The following CPA5 variants were observed in gnomAD, a reference collection of about 807,000 sequenced individuals.
CPA5 encodes the protein testicular tissue protein Li 32.
In CPA5, 38 loss-of-function variants were observed where a neutral mutation model predicts 52.2. The ratio of observed to expected loss-of-function variants is 0.73; its 90% CI spans 0.56 to 0.95. CPA5 has a LOEUF of 0.95. Ranked by LOEUF, CPA5 falls within the 40% of genes least tolerant of loss-of-function variation. CPA5 has a pLI of 0.00. For synonymous variants in CPA5, 198 were observed against 213.7 expected (o/e 0.93, Z 0.64); for missense variants, 519 against 566.7 (o/e 0.92, Z 0.86).
intron 7 of CPA5, 118 bp downstream of exon 7, chr7:130,361,362 C>G (rs1554406639): frequency 1.4e-6 from 1 of 701,992 alleles, no homozygotes; most frequent in East Asian, 2.7e-5. Flanking sequence ...TTTGTCTACT[C>G]CTGTCCCCAG....
downstream of CPA5, among the ~76,000 whole-genome samples, chr7:130,369,370 T>C (rs993910959): frequency 1.3e-5 from 2 of 152,202 alleles, no homozygotes; most frequent in African/African-American, 2.4e-5. Flanking sequence ...CGTGAGATAC[T>C]AAGAAGACTC....
chr7:130,368,733 C>T (rs1044150134), downstream of CPA5: 127 of 865,486 alleles, frequency 1.5e-4, 1 homozygote, highest in African/African-American at 9.3e-4. Context: ...GAACAGGCTT[C>T]GCTGCCTCTC....
intron 7 of CPA5, among the ~76,000 whole-genome samples, chr7:130,361,752 A>G (rs1740162413): frequency 1.3e-5 from 2 of 152,194 alleles, no homozygotes; most frequent in Admixed American, 1.3e-4. Flanking sequence ...TCATGAAGGA[A>G]GTAGGAGATG....
downstream of CPA5, among the ~76,000 whole-genome samples, chr7:130,373,261 G>A (rs1286198986): frequency 2.0e-5 from 3 of 149,762 alleles, no homozygotes; most frequent in Non-Finnish European, 3.0e-5. Flanking sequence ...CAGCAGCTCC[G>A]TTTTTCAACA....
At chr7:130,350,609 A>G (rs1377228967) in intron 5 of CPA5, among the ~76,000 whole-genome samples, 1 of 151,834 alleles carries the variant, frequency 6.6e-6, no homozygotes, top group East Asian at 1.9e-4. Flanking sequence ...ACTTCCCCCA[A>G]CCTCCACCGC....
chr7:130,369,263 A>G (rs530079413), downstream of CPA5, among the ~76,000 whole-genome samples: 15 of 151,364 alleles, frequency 9.9e-5, no homozygotes, highest in South Asian at 3.1e-3. Context: ...ATCCAGGAAG[A>G]AGAGCTTCTC....
chr7:130,354,313 T>A (rs4731685), intron 5 of CPA5, among the ~76,000 whole-genome samples: 30,011 of 152,188 alleles, frequency 0.2, 3,452 homozygotes, highest in African/African-American at 0.31. Flanking sequence ...GACATTTACC[T>A]TTTTCTCATT....
At chr7:130,373,992 C>G in the CPA5 span, among the ~76,000 whole-genome samples, 170 of 150,606 alleles carry the variant, frequency 1.1e-3, no homozygotes, top group African/African-American at 3.9e-3. Flanking sequence ...ACGCCGCCCC[C>G]ACCCCGCCGC....
downstream of CPA5, among the ~76,000 whole-genome samples, chr7:130,371,330 G>A (rs1226080941): frequency 6.6e-6 from 1 of 152,206 alleles, no homozygotes; most frequent in African/African-American, 2.4e-5. Context: ...TTCAGCCAAG[G>A]AGGTGACTCA....
chr7:130,359,517 G>T (rs1010388944), intron 5 of CPA5, 72 bp from the exon 6 acceptor site: 36 of 1,075,880 alleles, frequency 3.3e-5, no homozygotes, highest in African/African-American at 4.7e-5. Flanking sequence ...AGCCAGTGGA[G>T]GCAGGGCTCA....
In CPA5 at chr7:130,367,533, G is replaced by T; in HGVS notation, c.1000G>T (p.Gly334Cys). ...CTCTCAGATGCTTATGTACCCTTACGGCCGATTGCTGGAGCCCGTTTCAAA... is the reference window on the plus strand; with the variant it reads ...CTCTCAGATGCTTATGTACCCTTACTGCCGATTGCTGGAGCCCGTTTCAAA... Reference protein sequence around the residue: ...SYSQMLMYPYGRLLEPVSNQR... With the variant: ...SYSQMLMYPYCRLLEPVSNQR... Residue 334 changes from glycine (G) to cysteine (C), a missense_variant, in exon 11 of 13, where the codon GGC (glycine) becomes TGC (cysteine). Coordinates refer to ENST00000474905, the MANE Select transcript of CPA5 (RefSeq NM_080385.5). The T allele has an allele frequency of 1.2e-6, 2 of 1,614,058 alleles. No homozygotes were observed. Among genetic ancestry groups the T allele is most frequent in the Non-Finnish European group, 1.7e-6 (2 of 1,180,002 alleles).
Position 130,368,508 on chromosome 7 carries a change from C to G in CPA5, c.1222C>G (p.Leu408Val), listed in dbSNP as rs367548973. ...LRDTGQYGFL[L>V]PATQIIPTAQ... The stretch of plus-strand genomic sequence containing the variant: ...GGACACTGGGCAGTATGGCTTCCTG[C>G]TGCCGGCCACACAGATCATCCCCAC... Residue 408 changes from leucine (L) to valine (V), a missense_variant, in exon 13 of 13, where the codon CTG becomes GTG. Physicochemically the swap from Leu to Val is conservative, Grantham distance 32. Coordinates refer to ENST00000474905, the MANE Select transcript of CPA5 (RefSeq NM_080385.5). 4 of 1,614,058 alleles carry G rather than the reference C, an allele frequency of 2.5e-6. No individual in the cohort carries two copies. In the African/African-American group the frequency reaches 5.3e-5, roughly 22 times the overall value.
rs183214209 is a variant in CPA5, at chr7:130,368,448, A to G, written c.1162A>G (p.Ser388Gly). Residue 388 changes from serine (S) to glycine (G), a missense_variant, in exon 13 of 13, where the codon AGT becomes GGT. Physicochemically the swap from Ser to Gly is moderately conservative, Grantham distance 56 (BLOSUM62 0). Transcript: ENST00000474905. Reference sequence around the variant, plus strand: ...GATCACCGTCGACTGGGCCTATGACAGTGGCATCAAGTACGCCTTCAGCTT... The same window carrying G: ...GATCACCGTCGACTGGGCCTATGACGGTGGCATCAAGTACGCCTTCAGCTT... Reference protein sequence around the residue: ...SGITVDWAYDSGIKYAFSFEL... With the variant: ...SGITVDWAYDGGIKYAFSFEL... 383 of 1,614,118 alleles carry G rather than the reference A, an allele frequency of 2.4e-4. No individual in the cohort carries two copies. The highest frequency in any genetic ancestry group is 2.6e-4 in the Non-Finnish European group (301 of 1,180,020).
downstream of CPA5, among the ~76,000 whole-genome samples, chr7:130,371,032 G>T (rs1562964602): frequency 1.3e-5 from 2 of 152,182 alleles, no homozygotes; most frequent in Non-Finnish European, 2.9e-5. Context: ...CTTGGCCCTA[G>T]CCTAAAGCAG....
In CPA5 at chr7:130,362,462, C is replaced by G; in HGVS notation, c.559C>G (p.Pro187Ala). The G allele has an allele frequency of 1.2e-6, 2 of 1,613,280 alleles. No homozygotes were observed. Among genetic ancestry groups the G allele is most frequent in the South Asian group, 1.1e-5 (1 of 91,044 alleles). Residue 187 changes from proline to alanine, a missense_variant, in exon 8 of 13, where the codon CCA becomes GCA. Coordinates refer to ENST00000474905, the MANE Select transcript of CPA5 (RefSeq NM_080385.5). ...GTTCAGCACTGGAGGTTCTCGGCACCCAGCCATCTGGATTGACACTGGAAT... is the reference window on the plus strand; with the variant it reads ...GTTCAGCACTGGAGGTTCTCGGCACGCAGCCATCTGGATTGACACTGGAAT... ...LKFSTGGSRH[P>A]AIWIDTGIHS...
intron 5 of CPA5, among the ~76,000 whole-genome samples, chr7:130,357,928 GTGTA>G (rs1302210798): frequency 2.0e-5 from 3 of 148,634 alleles, no homozygotes; most frequent in Admixed American, 1.4e-4. Context: ...AAACATATCT[GTGTA>G]TGTGTGTGTT....
intron 5 of CPA5, among the ~76,000 whole-genome samples, chr7:130,358,383 T>G (rs1335501867): frequency 1.3e-5 from 2 of 152,170 alleles, no homozygotes; most frequent in Admixed American, 1.3e-4. Context: ...GCCTGGTTCT[T>G]ATCTCACCTC....
intron 5 of CPA5, among the ~76,000 whole-genome samples, chr7:130,353,874 T>C (rs1482097468): frequency 2.0e-5 from 3 of 152,168 alleles, no homozygotes; most frequent in African/African-American, 7.2e-5. Flanking sequence ...CCCAACTAAT[T>C]TGGAGTAGAA....
intron 10 of CPA5, among the ~76,000 whole-genome samples, 181 bp downstream of exon 10, chr7:130,363,690 G>A (rs1291233096): frequency 1.3e-5 from 2 of 152,184 alleles, no homozygotes; most frequent in East Asian, 1.9e-4. Context: ...CTGTGGGTAC[G>A]GGAGAGGTTG....
Sources: allele counts gnomAD v4.1 joint callset (sites outside exome capture counted in the v4.1 genomes callset), GRCh38; gene constraint gnomAD v4.1.1; transcripts MANE v1.5; gene names NCBI Gene and HGNC (gene_info 2026-07-23, HGNC 2026-07-21).